GALNTL6: variants seen among roughly 807,000 people sequenced by gnomAD.
The protein encoded by GALNTL6 is polypeptide N-acetylgalactosaminyltransferase like 6.
In GALNTL6, 46 loss-of-function variants were observed where a neutral mutation model predicts 73.7. The ratio of observed to expected loss-of-function variants is 0.62; its 90% confidence interval spans 0.49 to 0.80. The LOEUF (loss-of-function observed/expected upper bound fraction) is 0.80. GALNTL6 is among the 30% of genes least tolerant of loss of function. The pLI is 0.00. For missense variants in GALNTL6, 604 were observed against 755.0 expected, an observed-to-expected ratio of 0.80 and a Z score of 2.34; for synonymous variants, 259 against 263.7, an observed-to-expected ratio of 0.98 and a Z score of 0.17.
chr4:171,974,145 A>G (rs1346925602), intron 2 of GALNTL6, among the ~76,000 whole-genome samples: 2 of 151,882 alleles, frequency 1.3e-5, no homozygotes, highest in Non-Finnish European at 2.9e-5. Flanking sequence ...GACTACAGGC[A>G]AGTGCCACCA....
chr4:172,836,674 G>A (rs1457760863), intron 7 of GALNTL6, among the ~76,000 whole-genome samples: 1 of 152,190 alleles, frequency 6.6e-6, no homozygotes, highest in Non-Finnish European at 1.5e-5. Context: ...AATGATTGAG[G>A]AATTCTATAT....
intron 2 of GALNTL6, among the ~76,000 whole-genome samples, chr4:172,177,637 T>A (rs576642394): frequency 6.6e-6 from 1 of 151,590 alleles, no homozygotes; most frequent in Non-Finnish European, 1.5e-5. Context: ...CAAATAGATA[T>A]CATTTTATAT....
intron 5 of GALNTL6, among the ~76,000 whole-genome samples, chr4:172,462,917 T>A (rs1361943062): frequency 6.6e-6 from 1 of 152,152 alleles, no homozygotes; most frequent in African/African-American, 2.4e-5. Flanking sequence ...TCCAGAAAAG[T>A]GTGAGGACCA....
intron 8 of GALNTL6, among the ~76,000 whole-genome samples, chr4:172,905,989 T>C (rs1190024337): frequency 6.6e-6 from 1 of 152,152 alleles, no homozygotes; most frequent in Non-Finnish European, 1.5e-5. Flanking sequence ...AAATCTCACT[T>C]GAAGTCGGCA....
At chr4:172,417,240 C>T (rs1212023061) in intron 5 of GALNTL6, among the ~76,000 whole-genome samples, 1 of 151,660 alleles carries the variant, frequency 6.6e-6, no homozygotes, top group African/African-American at 2.4e-5. Context: ...TTTAATGTAG[C>T]TGTTCTTTTT....
intron 2 of GALNTL6, among the ~76,000 whole-genome samples, chr4:172,153,110 C>T (rs1221346298): frequency 1.3e-5 from 2 of 152,176 alleles, no homozygotes; most frequent in Admixed American, 6.5e-5. Context: ...TTATTGACAC[C>T]AACCCCTAAA....
intron 2 of GALNTL6, among the ~76,000 whole-genome samples, chr4:172,045,438 T>C (rs927410828): frequency 2.0e-5 from 3 of 152,086 alleles, no homozygotes; most frequent in Admixed American, 1.3e-4. Flanking sequence ...GCTAATTTAA[T>C]TTAAAAACAA....
At chr4:172,497,776 A>C (rs1351056196) in intron 5 of GALNTL6, among the ~76,000 whole-genome samples, 2 of 152,194 alleles carry the variant, frequency 1.3e-5, no homozygotes, top group Non-Finnish European at 2.9e-5. Flanking sequence ...GTGCAGAAAA[A>C]TACGAAAGGA....
intron 8 of GALNTL6, among the ~76,000 whole-genome samples, chr4:172,901,274 G>C (rs769861441): frequency 6.6e-5 from 10 of 152,114 alleles, no homozygotes; most frequent in Non-Finnish European, 1.5e-4. Flanking sequence ...AGTTAAACAG[G>C]CTTTGGTAGA....
chr4:172,580,239 C>T (rs1737127302), intron 5 of GALNTL6, among the ~76,000 whole-genome samples: 1 of 152,050 alleles, frequency 6.6e-6, no homozygotes, highest in Admixed American at 6.6e-5. Flanking sequence ...CCCACAAAGA[C>T]TATAAGCATT....
At chr4:171,976,929 C>T (rs1236806202) in intron 2 of GALNTL6, among the ~76,000 whole-genome samples, 1 of 152,234 alleles carries the variant, frequency 6.6e-6, no homozygotes, top group South Asian at 2.1e-4. Context: ...TGAAATCTAT[C>T]GAATCAAGTC....
At chr4:171,818,258 T>A (rs967678166) in intron 2 of GALNTL6, among the ~76,000 whole-genome samples, 12 of 151,764 alleles carry the variant, frequency 7.9e-5, no homozygotes, top group African/African-American at 2.7e-4. Flanking sequence ...AACTACTATA[T>A]CCAGTCTTAT....
intron 5 of GALNTL6, among the ~76,000 whole-genome samples, chr4:172,722,328 T>C (rs1735531007): frequency 6.6e-6 from 1 of 152,190 alleles, no homozygotes; most frequent in African/African-American, 2.4e-5. Context: ...CATGTACATA[T>C]GACAAATACA....
intron 5 of GALNTL6, among the ~76,000 whole-genome samples, chr4:172,796,061 G>A (rs908042758): frequency 1.5e-4 from 23 of 151,584 alleles, no homozygotes; most frequent in African/African-American, 5.3e-4. Flanking sequence ...TGATTGAACA[G>A]TGATTGACTT....
At chr4:172,282,622 T>A (rs1230815598) in intron 3 of GALNTL6, among the ~76,000 whole-genome samples, 1 of 142,362 alleles carries the variant, frequency 7.0e-6, no homozygotes, top group Non-Finnish European at 1.5e-5. Context: ...GTAAGTGCAA[T>A]GGAAAGACAC....
intron 2 of GALNTL6, among the ~76,000 whole-genome samples, chr4:171,846,130 T>C (rs1735362009): frequency 6.6e-6 from 1 of 152,200 alleles, no homozygotes; most frequent in Non-Finnish European, 1.5e-5. Flanking sequence ...TGAGTAATTT[T>C]CTGATATTTC....
rs551288621 is a variant in GALNTL6 at position 171,931,578 on chromosome 4, G to A, written c.138+116860G>A. On this transcript the variant is annotated intron_variant, in intron 2 of 12. Coordinates refer to ENST00000506823, the MANE Select transcript of GALNTL6 (RefSeq NM_001034845.3). ...TAATTTTAAATTTCCAACTATTAAC[G>A]ACTAAAAGTTCAATTGCAGATTAGT... is the stretch of plus-strand genomic sequence containing the variant. Among the ~76,000 whole-genome samples the A allele has an allele frequency of 2.6e-5, 4 of 152,168 alleles. No individual in the cohort carries two copies. In the East Asian group the frequency reaches 5.8e-4, roughly 22 times the overall value.
chr4:172,886,776 A>T (rs1044229057), intron 8 of GALNTL6, among the ~76,000 whole-genome samples: 1 of 152,124 alleles, frequency 6.6e-6, no homozygotes, highest in African/African-American at 2.4e-5. Flanking sequence ...AAAAAAAAAA[A>T]ATCAATTTTA....
chr4:172,367,861 C>T (rs6823609), intron 5 of GALNTL6, among the ~76,000 whole-genome samples: 41,217 of 152,018 alleles, frequency 0.27, 6,994 homozygotes, highest in African/African-American at 0.47. Context: ...TCATTAACAT[C>T]GCTTATAAGG....
Sources: gnomAD v4.1 joint callset for allele counts (sites outside exome capture counted in the v4.1 genomes callset) on GRCh38, gnomAD v4.1.1 for gene constraint, MANE v1.5 for transcripts, NCBI Gene and HGNC (gene_info 2026-07-23, HGNC 2026-07-21) for gene names.